The following CTNNBL1 variants were observed in gnomAD, a reference collection of about 807,000 sequenced individuals.
CTNNBL1 encodes the protein catenin beta like 1, also known as beta-catenin-like protein 1.
Under a neutral mutation model 72.7 loss-of-function variants are expected in CTNNBL1, and 31 were observed. That is an observed-to-expected ratio of 0.43 (90% CI 0.32 to 0.58). The LOEUF is 0.58. Ranked by LOEUF, CTNNBL1 falls within the 20% of genes least tolerant of loss-of-function variation. The pLI, the probability that CTNNBL1 is intolerant of heterozygous loss-of-function variation, is 0.08. For missense variants in CTNNBL1, 534 were observed against 725.1 expected (o/e 0.74, Z 3.03); for synonymous variants, 240 against 267.3 (o/e 0.90, Z 1.00).
intron 11 of CTNNBL1, among the ~76,000 whole-genome samples, chr20:37,807,052 G>A (rs190515949): frequency 3.9e-5 from 6 of 152,216 alleles, no homozygotes; most frequent in African/African-American, 7.2e-5. Flanking sequence ...TCCTGGTCCC[G>A]TCATAGCCCC....
intron 1 of CTNNBL1, among the ~76,000 whole-genome samples, chr20:37,698,269 G>A (rs1437212180): frequency 2.6e-5 from 4 of 152,148 alleles, no homozygotes; most frequent in Admixed American, 1.3e-4. Flanking sequence ...CTTTGATCTC[G>A]CCAGCCTAGG....
chr20:37,748,379 C>A (rs1197388851), intron 4 of CTNNBL1, among the ~76,000 whole-genome samples: 2 of 152,134 alleles, frequency 1.3e-5, no homozygotes, highest in Non-Finnish European at 1.5e-5. Flanking sequence ...CCAGGGTTTG[C>A]TGTGGGGTTC....
intron 10 of CTNNBL1, among the ~76,000 whole-genome samples, chr20:37,799,636 A>G (rs1244697557): frequency 6.6e-6 from 1 of 152,204 alleles, no homozygotes; most frequent in Non-Finnish European, 1.5e-5. Flanking sequence ...TTTTGAAAGC[A>G]TTTTTATTTA....
chr20:37,723,309 A>T (rs2073056610), intron 1 of CTNNBL1, among the ~76,000 whole-genome samples: 1 of 152,244 alleles, frequency 6.6e-6, no homozygotes, highest in African/African-American at 2.4e-5. Context: ...CAGATTACAG[A>T]TCATAAGTGA....
At chr20:37,851,132 A>C (rs145885947) in intron 13 of CTNNBL1, among the ~76,000 whole-genome samples, 1 of 152,192 alleles carries the variant, frequency 6.6e-6, no homozygotes, top group Non-Finnish European at 1.5e-5. Context: ...GGCGCTACAC[A>C]TACCACCTCC....
intron 15 of CTNNBL1, among the ~76,000 whole-genome samples, chr20:37,862,821 C>T (rs1291370043): frequency 1.3e-5 from 2 of 152,090 alleles, no homozygotes; most frequent in African/African-American, 4.8e-5. Flanking sequence ...GTCCATCCCA[C>T]CTCTTCTGTC....
At chr20:37,732,624 T>G (rs2030702178) in intron 1 of CTNNBL1, among the ~76,000 whole-genome samples, 1 of 152,252 alleles carries the variant, frequency 6.6e-6, no homozygotes, top group South Asian at 2.1e-4. Context: ...GGAGAAGTTG[T>G]ATGCTGGATG....
intron 1 of CTNNBL1, among the ~76,000 whole-genome samples, chr20:37,710,566 C>T (rs551819103): frequency 1.8e-4 from 27 of 151,006 alleles, no homozygotes; most frequent in African/African-American, 6.5e-4. Context: ...ATCTCTTTGC[C>T]CCCCCCACTG....
chr20:37,852,443 G>A (rs978424445), intron 13 of CTNNBL1, among the ~76,000 whole-genome samples: 1 of 152,326 alleles, frequency 6.6e-6, no homozygotes, highest in East Asian at 1.9e-4. Context: ...CTAATCATCA[G>A]TGTTGGCCAT....
chr20:37,718,454 G>GC (rs1412909459), intron 1 of CTNNBL1, among the ~76,000 whole-genome samples: 1 of 140,774 alleles, frequency 7.1e-6, no homozygotes, highest in Non-Finnish European at 1.6e-5. Flanking sequence ...GGCTGGCCGG[G>GC]CGGGGGGCTG....
intron 1 of CTNNBL1, among the ~76,000 whole-genome samples, chr20:37,721,129 A>G (rs2122577744): frequency 6.6e-6 from 1 of 151,764 alleles, no homozygotes; most frequent in East Asian, 1.9e-4. Context: ...ATGGTGATTC[A>G]CTCCTGGGTC....
chr20:37,834,358 C>T (rs1394550463), intron 11 of CTNNBL1, among the ~76,000 whole-genome samples: 1 of 152,058 alleles, frequency 6.6e-6, no homozygotes, highest in East Asian at 1.9e-4. Context: ...TGTGGAACTG[C>T]CTGAAACTCA....
chr20:37,867,910 G>T (rs2072549741), intron 15 of CTNNBL1, among the ~76,000 whole-genome samples: 1 of 152,196 alleles, frequency 6.6e-6, no homozygotes, highest in African/African-American at 2.4e-5. Context: ...TGAGGGTGCA[G>T]CTTCCCCGGG....
At position 37,802,960 on chromosome 20, in the gene CTNNBL1, C is replaced by T. The variant is rs1330635215; in HGVS notation, c.1125C>T (p.Asp375=). Residue 375 remains aspartate (D), a synonymous_variant, in exon 11 of 16, where the codon GAC becomes GAT. Transcript: ENST00000361383. ...EGTDNCHKFV[D]ILGLRTIFPL... is the part of the protein sequence containing the mutation. The stretch of plus-strand genomic sequence containing the variant: ...CAGACAACTGCCATAAGTTTGTTGA[C>T]ATTCTTGGCTTACGAACCATCTTTC... The T allele has an allele frequency of 6.2e-7, 1 of 1,613,958 alleles. No homozygotes were observed. The highest frequency in any genetic ancestry group is 2.2e-5 in the East Asian group (1 of 44,892).
intron 11 of CTNNBL1, among the ~76,000 whole-genome samples, chr20:37,822,406 C>T (rs538327034): frequency 6.6e-6 from 1 of 152,166 alleles, no homozygotes; most frequent in African/African-American, 2.4e-5. Context: ...CTGGAGAGCT[C>T]TTTCCTTGGG....
intron 13 of CTNNBL1, among the ~76,000 whole-genome samples, chr20:37,857,805 A>G (rs4811232): frequency 0.77 from 117,262 of 152,148 alleles, 45,305 homozygotes; most frequent in East Asian, 0.86. Flanking sequence ...CATCAGAAGC[A>G]TGTATTGAGC....
chr20:37,821,882 AAC>A (rs1225231900), intron 11 of CTNNBL1, among the ~76,000 whole-genome samples: 3 of 152,140 alleles, frequency 2.0e-5, no homozygotes, highest in East Asian at 1.9e-4. Flanking sequence ...AGTCATCACA[AAC>A]ACACACATAA....
intron 11 of CTNNBL1, among the ~76,000 whole-genome samples, chr20:37,830,670 A>G (rs1454831742): frequency 4.6e-5 from 7 of 152,186 alleles, no homozygotes; most frequent in Admixed American, 2.0e-4. Flanking sequence ...AAAACCCATC[A>G]TGAGTTGAAA....
chr20:37,706,393 A>G (rs981761540), intron 1 of CTNNBL1, among the ~76,000 whole-genome samples: 1 of 152,230 alleles, frequency 6.6e-6, no homozygotes, highest in African/African-American at 2.4e-5. Context: ...TTTATCATCT[A>G]AGTTCATGTA....
Sources: gnomAD v4.1 joint callset for allele counts (sites outside exome capture counted in the v4.1 genomes callset) on GRCh38, gnomAD v4.1.1 for gene constraint, MANE v1.5 for transcripts, NCBI Gene and HGNC (gene_info 2026-07-23, HGNC 2026-07-21) for gene names.